Variants in NRXN3 observed in about 807,000 individuals in gnomAD.
The protein encoded by NRXN3 is neurexin 3.
NRXN3 carries 32 observed loss-of-function variants against 137.6 expected under a neutral mutation model. The ratio of observed to expected loss-of-function variants is 0.23; its 90% CI spans 0.18 to 0.31. The LOEUF is 0.31. Among genes scored for constraint, NRXN3 ranks in the 10% least tolerant of loss-of-function variants. The probability of loss-of-function intolerance (pLI) is 1.00; values close to 1 mark genes in which losing one functional copy is unlikely to be tolerated. For synonymous variants in NRXN3, 798 were observed against 784.5 expected (o/e 1.02, Z -0.29); for missense variants, 1,574 against 2,062.5 (o/e 0.76, Z 4.59).
intron 19 of NRXN3, among the ~76,000 whole-genome samples, chr14:79,765,220 C>T (rs1174272195): frequency 1.3e-5 from 2 of 152,180 alleles, no homozygotes; most frequent in African/African-American, 4.8e-5. Context: ...GGATAAGAAG[C>T]TCAGCTATCA....
At chr14:78,617,252 C>T (rs1329168151) in intron 4 of NRXN3, among the ~76,000 whole-genome samples, 3 of 152,192 alleles carry the variant, frequency 2.0e-5, no homozygotes, top group Non-Finnish European at 4.4e-5. Context: ...TTGCTGACAG[C>T]CACTCCCCAT....
At chr14:79,526,106 G>A (rs989887561) in intron 16 of NRXN3, among the ~76,000 whole-genome samples, 1 of 152,100 alleles carries the variant, frequency 6.6e-6, no homozygotes, top group African/African-American at 2.4e-5. Flanking sequence ...GGAGTGCAAT[G>A]GCGTGATCTC....
At chr14:78,177,387 T>C (rs1261593972) in intron 1 of NRXN3, among the ~76,000 whole-genome samples, 1 of 152,002 alleles carries the variant, frequency 6.6e-6, no homozygotes, top group East Asian at 1.9e-4. Flanking sequence ...TGTTTTTTTT[T>C]TCAGGGGTGG....
chr14:78,706,268 G>A (rs1004276226), intron 6 of NRXN3, among the ~76,000 whole-genome samples: 1 of 152,210 alleles, frequency 6.6e-6, no homozygotes, highest in Non-Finnish European at 1.5e-5. Context: ...AGGTATAATA[G>A]TGAAGGTTAG....
intron 9 of NRXN3, among the ~76,000 whole-genome samples, chr14:78,808,423 C>G (rs1412781505): frequency 6.6e-6 from 1 of 152,194 alleles, no homozygotes; most frequent in Non-Finnish European, 1.5e-5. Flanking sequence ...CTCACTCTTC[C>G]TCTCATAAGC....
intron 8 of NRXN3, among the ~76,000 whole-genome samples, chr14:78,785,578 C>G (rs1439222402): frequency 6.6e-6 from 1 of 152,158 alleles, no homozygotes; most frequent in African/African-American, 2.4e-5. Flanking sequence ...CCCTATAAAA[C>G]AGCTTTTTTC....
At chr14:79,517,252 A>C (rs531170688) in intron 16 of NRXN3, among the ~76,000 whole-genome samples, 33 of 152,146 alleles carry the variant, frequency 2.2e-4, no homozygotes, top group Non-Finnish European at 3.7e-4. Flanking sequence ...ATCTGTTTAT[A>C]TGTTTAGGAA....
chr14:79,075,366 G>T (rs969846534), intron 15 of NRXN3, among the ~76,000 whole-genome samples: 29 of 152,140 alleles, frequency 1.9e-4, no homozygotes, highest in African/African-American at 6.8e-4. Flanking sequence ...AGAGATTTTG[G>T]TCTCCCAGTT....
chr14:78,700,613 C>T (rs529219180), intron 6 of NRXN3, among the ~76,000 whole-genome samples: 22 of 152,200 alleles, frequency 1.4e-4, no homozygotes, highest in African/African-American at 4.8e-4. Context: ...TATGTCTCTG[C>T]CTGGGTCTGT....
chr14:78,524,687 G>A (rs1386279072), intron 4 of NRXN3, among the ~76,000 whole-genome samples: 2 of 152,092 alleles, frequency 1.3e-5, no homozygotes, highest in African/African-American at 2.4e-5. Flanking sequence ...AGCCAGATAC[G>A]AATCTAACCT....
At chr14:78,521,159 T>C (rs2096278481) in intron 4 of NRXN3, among the ~76,000 whole-genome samples, 1 of 152,142 alleles carries the variant, frequency 6.6e-6, no homozygotes, top group African/African-American at 2.4e-5. Flanking sequence ...TGTCTGTCTG[T>C]CTCTCTCTCT....
intron 4 of NRXN3, among the ~76,000 whole-genome samples, chr14:78,569,126 C>A (rs1259840782): frequency 1.3e-5 from 2 of 151,582 alleles, no homozygotes; most frequent in Admixed American, 6.6e-5. Flanking sequence ...AGCCACCACG[C>A]CTGGCTAATT....
intron 15 of NRXN3, among the ~76,000 whole-genome samples, chr14:79,315,669 T>G (rs2088447076): frequency 6.6e-6 from 1 of 152,194 alleles, no homozygotes; most frequent in Non-Finnish European, 1.5e-5. Context: ...CTTATGTAGT[T>G]TTTCCTAACC....
chr14:79,154,955 TTC>T (rs1182522699), intron 15 of NRXN3, among the ~76,000 whole-genome samples: 1 of 151,950 alleles, frequency 6.6e-6, no homozygotes, highest in East Asian at 1.9e-4. Flanking sequence ...CACATTTTAC[TTC>T]TCTCTTTATG....
intron 4 of NRXN3, among the ~76,000 whole-genome samples, chr14:78,596,387 C>A (rs772677300): frequency 2.0e-5 from 3 of 152,066 alleles, no homozygotes; most frequent in Non-Finnish European, 4.4e-5. Context: ...ACTGCATCAG[C>A]CTAGTGGGAG....
intron 19 of NRXN3, among the ~76,000 whole-genome samples, chr14:79,752,510 G>C (rs2099001740): frequency 6.6e-6 from 1 of 152,150 alleles, no homozygotes; most frequent in Non-Finnish European, 1.5e-5. Context: ...AAACTGGCTA[G>C]CCATATGCAG....
chr14:79,080,600 C>G (rs1218225466), intron 15 of NRXN3, among the ~76,000 whole-genome samples: 1 of 152,104 alleles, frequency 6.6e-6, no homozygotes, highest in Non-Finnish European at 1.5e-5. Flanking sequence ...CTTCTTTCTC[C>G]TTTGTCGTTA....
At chr14:78,196,946 G>A (rs566148547) in intron 1 of NRXN3, among the ~76,000 whole-genome samples, 5 of 152,344 alleles carry the variant, frequency 3.3e-5, no homozygotes, top group South Asian at 4.1e-4. Flanking sequence ...AGATGGAGAA[G>A]TCAAAGTCTA....
intron 10 of NRXN3, among the ~76,000 whole-genome samples, chr14:78,926,096 C>T (rs1313692750): frequency 6.6e-6 from 1 of 152,090 alleles, no homozygotes; most frequent in Non-Finnish European, 1.5e-5. Flanking sequence ...CTCTTTTTGA[C>T]TCCAAATGAA....
Sources: allele counts gnomAD v4.1 joint callset (sites outside exome capture counted in the v4.1 genomes callset), GRCh38; gene constraint gnomAD v4.1.1; transcripts MANE v1.5; gene names NCBI Gene and HGNC (gene_info 2026-07-23, HGNC 2026-07-21).